The following PLEKHA5 variants were observed in gnomAD, a reference collection of about 807,000 sequenced individuals.
PLEKHA5 encodes the protein pleckstrin homology domain containing A5, also known as pleckstrin homology domain-containing family A member 5.
In PLEKHA5, 55 loss-of-function variants were observed where a neutral mutation model predicts 181.9. The ratio of observed to expected loss-of-function variants is 0.30; its 90% CI spans 0.24 to 0.38. The LOEUF (loss-of-function observed/expected upper bound fraction) is 0.38. Ranked by LOEUF, PLEKHA5 falls within the 10% of genes least tolerant of loss-of-function variation. The pLI, the probability that PLEKHA5 is intolerant of heterozygous loss-of-function variation, is 1.00. For synonymous variants in PLEKHA5, 535 were observed against 529.4 expected (o/e 1.01, Z -0.15); for missense variants, 1,432 against 1,549.5 (o/e 0.92, Z 1.27).
At chr12:19,306,613 T>C in intron 15 of PLEKHA5, 2 of 933,030 alleles carry the variant, frequency 2.1e-6, no homozygotes, top group Non-Finnish European at 3.5e-6. Flanking sequence ...GTAGCGGAGG[T>C]GGTGGCGGCG....
At chr12:19,231,250 G>C (rs1343631143) in intron 3 of PLEKHA5, among the ~76,000 whole-genome samples, 1 of 151,918 alleles carries the variant, frequency 6.6e-6, no homozygotes, top group Non-Finnish European at 1.5e-5. Flanking sequence ...AACATACCAT[G>C]TATCTTCCAA....
At position 19,358,434 on chromosome 12, in the gene PLEKHA5, T is replaced by C; in HGVS notation, c.3345T>C (p.Thr1115=). ...SNLRDNPFRT[T]QTRRRDDKEL... ...TAAGGGATAATCCATTTAGGACTACTCAGGTATATGAATTGCATTTGATTA... is the reference window on the plus strand; with the variant it reads ...TAAGGGATAATCCATTTAGGACTACCCAGGTATATGAATTGCATTTGATTA... The change falls in exon 27 of 32, where the codon ACT becomes ACC. Residue 1115 remains threonine, a synonymous_variant. Transcript: ENST00000429027. 1.9e-6 allele frequency: 3 copies of C among 1,587,016 alleles called. No homozygotes were observed. The highest frequency in any genetic ancestry group is 2.6e-6 in the Non-Finnish European group (3 of 1,155,710).
chr12:19,375,715 C>T lies in PLEKHA5; in HGVS notation c.*196C>T, dbSNP rs1191209071. The T allele has an allele frequency of 1.3e-5, 2 of 152,550 alleles. No individual in the cohort carries two copies. The highest frequency in any genetic ancestry group is 4.8e-5 in the African/African-American group (2 of 41,438). The allele number at this position is 152,550 out of a possible 1,614,324, so 9.4% of individuals were successfully genotyped here. On this transcript the variant is annotated 3_prime_UTR_variant, in exon 32 of 32. Transcript: ENST00000429027. ...AAACAGCTTTAATGGCCCATATGTA[C>T]ACTTCGTAATCTCAAGGTTATTATT...
chr12:19,265,863 T>C lies in PLEKHA5; in HGVS notation c.711+13T>C. The C allele has an allele frequency of 1.4e-6, 2 of 1,451,796 alleles. No individual in the cohort carries two copies. Among genetic ancestry groups the C allele is most frequent in the Non-Finnish European group, 1.9e-6 (2 of 1,039,458 alleles). The allele number at this position is 1,451,796 out of a possible 1,614,324, so 89.9% of individuals were successfully genotyped here. A position where few individuals can be genotyped will look rare whatever the true frequency, so the allele number is the denominator to read the frequency against. ...ATATGCTTTTAAGGTAAGGAAATAATGCAGTTTTTAATTCTGTGTTCAAAA... is the reference window on the plus strand; with the variant it reads ...ATATGCTTTTAAGGTAAGGAAATAACGCAGTTTTTAATTCTGTGTTCAAAA... On this transcript the variant is annotated intron_variant, in intron 8 of 31. Transcript: ENST00000429027.
chr12:19,204,725 A>G (rs1201186935), intron 3 of PLEKHA5, among the ~76,000 whole-genome samples: 4 of 152,174 alleles, frequency 2.6e-5, no homozygotes, highest in Non-Finnish European at 5.9e-5. Context: ...GAAAAATCCT[A>G]TCACTGTAGT....
At chr12:19,136,517 C>G (rs1240888844) in intron 3 of PLEKHA5, among the ~76,000 whole-genome samples, 2 of 152,088 alleles carry the variant, frequency 1.3e-5, no homozygotes, top group Non-Finnish European at 2.9e-5. Flanking sequence ...CTGCTTGCTC[C>G]TTGAAAATAT....
Position 19,291,663 on chromosome 12 carries a change from A to G in PLEKHA5, c.2003A>G (p.His668Arg). Residue 668 changes from histidine (H) to arginine (R), a missense_variant, in exon 15 of 32, where the codon CAT becomes CGT. Around this residue, in one of 2 missense-constraint regions of PLEKHA5, gnomAD observed 1,143 missense variants for 1,168.4 expected, o/e 0.98. Coordinates refer to ENST00000429027, the MANE Select transcript of PLEKHA5 (RefSeq NM_001256470.2). ...HSPKNEILSH[H>R]LQRNTIYLDH... ...TACTAGAATGAAATTCTTTCACATC[A>G]TCTCCAAAGGAACACCATATATTTG... 4.0e-6 allele frequency: 6 copies of G among 1,518,620 alleles called. No homozygotes were observed. Among genetic ancestry groups the G allele is most frequent in the Non-Finnish European group, 5.3e-6 (6 of 1,131,968 alleles). 94.1% of individuals were successfully genotyped at this position (1,518,620 alleles called of 1,614,324 possible). A position where few individuals can be genotyped will look rare whatever the true frequency, so the allele number is the denominator to read the frequency against.
At chr12:19,164,515 T>C (rs2043813140) in intron 3 of PLEKHA5, among the ~76,000 whole-genome samples, 1 of 152,152 alleles carries the variant, frequency 6.6e-6, no homozygotes, top group South Asian at 2.1e-4. Context: ...ATTTTTTTAA[T>C]AGCCAGATTC....
At chr12:19,195,827 A>C (rs2052585848) in intron 3 of PLEKHA5, among the ~76,000 whole-genome samples, 1 of 152,132 alleles carries the variant, frequency 6.6e-6, no homozygotes, top group South Asian at 2.1e-4. Flanking sequence ...GATATCTTCC[A>C]TGGCAGTGCA....
chr12:19,223,453 TATCTGGGAA>T (rs1166047787), intron 3 of PLEKHA5, among the ~76,000 whole-genome samples: 1 of 152,168 alleles, frequency 6.6e-6, no homozygotes, highest in African/African-American at 2.4e-5. Context: ...ACCAGTAACT[TATCTGGGAA>T]ATCTGGGACT....
intron 3 of PLEKHA5, among the ~76,000 whole-genome samples, chr12:19,234,869 T>C (rs1003719147): frequency 1.3e-5 from 2 of 152,210 alleles, no homozygotes; most frequent in African/African-American, 4.8e-5. Flanking sequence ...TACTATATTT[T>C]AATCTTCATA....
chr12:19,202,060 C>T (rs1005950683), intron 3 of PLEKHA5: 10 of 868,090 alleles, frequency 1.2e-5, no homozygotes, highest in Admixed American at 1.2e-4. Context: ...CACAGTTACT[C>T]CCCACTCTTC....
At chr12:19,316,365 G>A (rs1034058460) in intron 16 of PLEKHA5, among the ~76,000 whole-genome samples, 5 of 151,830 alleles carry the variant, frequency 3.3e-5, no homozygotes, top group African/African-American at 1.2e-4. Context: ...TAAATTATTT[G>A]GTTGCATTAA....
chr12:19,357,856 T>C (rs2095036163), intron 26 of PLEKHA5, among the ~76,000 whole-genome samples: 1 of 151,876 alleles, frequency 6.6e-6, no homozygotes, highest in African/African-American at 2.4e-5. Flanking sequence ...CCCAGGCTGG[T>C]CTCAAACTCC....
At chr12:19,167,114 C>CT (rs1310391066) in intron 3 of PLEKHA5, among the ~76,000 whole-genome samples, 1 of 152,124 alleles carries the variant, frequency 6.6e-6, no homozygotes, top group Non-Finnish European at 1.5e-5. Context: ...GATTGTTTCC[C>CT]TTTTTGCAAT....
intron 3 of PLEKHA5, among the ~76,000 whole-genome samples, 173 bp downstream of exon 3, chr12:19,132,623 TCTTA>T (rs1412311200): frequency 6.6e-6 from 1 of 152,162 alleles, no homozygotes; most frequent in Non-Finnish European, 1.5e-5. Flanking sequence ...AAAATGGCAC[TCTTA>T]CTTTTCTAAT....
chr12:19,339,776 G>A (rs1290398076), intron 21 of PLEKHA5, among the ~76,000 whole-genome samples: 1 of 152,020 alleles, frequency 6.6e-6, no homozygotes, highest in Non-Finnish European at 1.5e-5. Context: ...AACAACTCTG[G>A]GTCTCAGTTT....
chr12:19,306,555 CT>C, intron 15 of PLEKHA5: 1 of 762,266 alleles, frequency 1.3e-6, no homozygotes, highest in Non-Finnish European at 2.4e-6. Flanking sequence ...GTGAGCAACA[CT>C]ACCATCGTCC....
intron 15 of PLEKHA5, among the ~76,000 whole-genome samples, chr12:19,314,578 A>G (rs960573786): frequency 6.6e-6 from 1 of 152,212 alleles, no homozygotes; most frequent in Non-Finnish European, 1.5e-5. Flanking sequence ...TGTATGAAGT[A>G]AAACTAGTTG....
Sources: allele counts gnomAD v4.1 joint callset (sites outside exome capture counted in the v4.1 genomes callset), GRCh38; gene constraint gnomAD v4.1.1; regional missense constraint gnomAD v4.1.1; transcripts MANE v1.5; gene names NCBI Gene and HGNC (gene_info 2026-07-23, HGNC 2026-07-21).